The following LRTM1 variants were observed in gnomAD, a reference collection of about 807,000 sequenced individuals.
LRTM1 encodes leucine rich repeat transmembrane protein 1, also known as leucine-rich repeat and transmembrane domain-containing protein 1.
In LRTM1, 38 loss-of-function variants were observed where a neutral mutation model predicts 32.4. The ratio of observed to expected loss-of-function variants is 1.17; its 90% confidence interval spans 0.91 to 1.54. LRTM1 has a LOEUF of 1.54. Ranked by LOEUF, LRTM1 falls within the 40% of genes most tolerant of loss-of-function variation. The pLI, the probability that LRTM1 is intolerant of heterozygous loss-of-function variation, is 0.00. For synonymous variants in LRTM1, 186 were observed against 169.9 expected (o/e 1.09, Z -0.74); for missense variants, 466 against 415.4 (o/e 1.12, Z -1.06).
rs755301327 is a variant in LRTM1 at position 54,924,822 on chromosome 3, ATGT to A, written c.398_400del (p.Asn133del). 4 of 1,614,070 alleles carry A rather than the reference ATGT, an allele frequency of 2.5e-6. No individual in the cohort carries two copies. The highest frequency in any genetic ancestry group is 1.6e-4 in the Middle Eastern group (1 of 6,062). Reference sequence around the variant, plus strand: ...TCCCAAGGATGTGGGAAGGTGGCTTATGTTGTTTGATGACAAATCAAGCTCCCT... The same window carrying A: ...TCCCAAGGATGTGGGAAGGTGGCTTATGTTTGATGACAAATCAAGCTCCCT... On this transcript the variant is annotated inframe_deletion, in exon 2 of 3. Coordinates refer to ENST00000273286, the MANE Select transcript of LRTM1 (RefSeq NM_020678.4).
Position 54,934,867 on chromosome 3 carries a change from G to A in LRTM1, c.-221-9652C>T, listed in dbSNP as rs576239616. On this transcript the variant is annotated intron_variant, in intron 1 of 2. Coordinates refer to the LRTM1 transcript ENST00000493075. The stretch of plus-strand genomic sequence containing the variant: ...ATGCCTCAGCCTCCCGAGTAGCTGG[G>A]ATTACAGGCACACACCACCACACCC... Among the ~76,000 whole-genome samples the A allele has an allele frequency of 2.0e-5, 3 of 152,108 alleles. No homozygotes were observed. The South Asian group carries it at 6.2e-4, about 32-fold the overall frequency.
chr3:54,966,044 A>G (rs56757086), intron 1 of LRTM1, among the ~76,000 whole-genome samples: 60,381 of 151,914 alleles, frequency 0.4, 13,724 homozygotes, highest in East Asian at 0.57. Flanking sequence ...ATGAGAACAG[A>G]CTGCAAGTAT....
intron 1 of LRTM1, among the ~76,000 whole-genome samples, chr3:54,965,340 A>G (rs1013764730): frequency 1.3e-5 from 2 of 152,090 alleles, no homozygotes; most frequent in Non-Finnish European, 2.9e-5. Flanking sequence ...CAAGCCTCCA[A>G]ACAAATGATG....
chr3:54,920,563 G>A (rs143860119), intron 2 of LRTM1, among the ~76,000 whole-genome samples: 7 of 152,208 alleles, frequency 4.6e-5, no homozygotes, highest in African/African-American at 1.7e-4. Flanking sequence ...TGCTCCAGAT[G>A]AGTTCAAAGT....
At chr3:54,958,237 C>T (rs762155333) in intron 1 of LRTM1, among the ~76,000 whole-genome samples, 1 of 152,178 alleles carries the variant, frequency 6.6e-6, no homozygotes, top group Non-Finnish European at 1.5e-5. Context: ...GCAGAATATT[C>T]CATGTATCGG....
At chr3:54,956,327 G>A (rs1296679779) in intron 1 of LRTM1, among the ~76,000 whole-genome samples, 1 of 152,134 alleles carries the variant, frequency 6.6e-6, no homozygotes. Flanking sequence ...CAATGAATTG[G>A]AGATTCCGGG....
At chr3:54,919,955 T>C (rs1011624032) in intron 2 of LRTM1, among the ~76,000 whole-genome samples, 6 of 152,020 alleles carry the variant, frequency 3.9e-5, no homozygotes, top group African/African-American at 1.5e-4. Flanking sequence ...GTCAGAGGAG[T>C]GGGCAGGATG....
intron 2 of LRTM1, among the ~76,000 whole-genome samples, chr3:54,921,230 G>T (rs1700839999): frequency 6.6e-6 from 1 of 152,116 alleles, no homozygotes; most frequent in Non-Finnish European, 1.5e-5. Flanking sequence ...TCTTGAGTCT[G>T]AACATTACGT....
At chr3:54,962,860 G>A (rs1233751002) in intron 1 of LRTM1, among the ~76,000 whole-genome samples, 1 of 152,160 alleles carries the variant, frequency 6.6e-6, no homozygotes, top group Admixed American at 6.5e-5. Context: ...AACCAGATCT[G>A]TGCCCCTCTA....
chr3:54,930,529 G>A (rs1296569792), upstream of LRTM1, among the ~76,000 whole-genome samples: 2 of 152,200 alleles, frequency 1.3e-5, no homozygotes, highest in Admixed American at 6.5e-5. Flanking sequence ...GCCTGAAAAT[G>A]ATCAATCTAT....
At chr3:54,952,681 G>A (rs1701788822) in intron 1 of LRTM1, among the ~76,000 whole-genome samples, 3 of 152,104 alleles carry the variant, frequency 2.0e-5, no homozygotes, top group Admixed American at 2.0e-4. Context: ...GTGTTCATGG[G>A]TTCAAATTCT....
chr3:54,920,367 A>G (rs1700807047), intron 2 of LRTM1, among the ~76,000 whole-genome samples: 1 of 152,050 alleles, frequency 6.6e-6, no homozygotes. Context: ...GCAAAATTCA[A>G]CCCATGTCCT....
chr3:54,951,643 T>C (rs1205913946), intron 1 of LRTM1, among the ~76,000 whole-genome samples: 1 of 151,140 alleles, frequency 6.6e-6, no homozygotes, highest in African/African-American at 2.5e-5. Flanking sequence ...CGTGCAGGGC[T>C]CCAGTCCCAG....
intron 2 of LRTM1, among the ~76,000 whole-genome samples, chr3:54,920,578 T>C (rs1478828303): frequency 6.6e-6 from 1 of 152,166 alleles, no homozygotes; most frequent in Non-Finnish European, 1.5e-5. Flanking sequence ...CAAAGTGCCA[T>C]TGAGATTAAG....
At chr3:54,958,257 G>A (rs535869607) in intron 1 of LRTM1, among the ~76,000 whole-genome samples, 1 of 152,360 alleles carries the variant, frequency 6.6e-6, no homozygotes, top group East Asian at 1.9e-4. Context: ...GATGGGTGTG[G>A]TGGCTTCAGC....
intron 1 of LRTM1, among the ~76,000 whole-genome samples, chr3:54,956,335 G>A (rs930388393): frequency 6.6e-6 from 1 of 152,182 alleles, no homozygotes; most frequent in Admixed American, 6.5e-5. Context: ...TGGAGATTCC[G>A]GGAAAAGAAA....
At chr3:54,943,365 T>C (rs1701526410) in intron 1 of LRTM1, among the ~76,000 whole-genome samples, 1 of 152,202 alleles carries the variant, frequency 6.6e-6, no homozygotes, top group African/African-American at 2.4e-5. Context: ...TGCCGTTTTT[T>C]AGTTAATTTT....
intron 1 of LRTM1, among the ~76,000 whole-genome samples, chr3:54,965,243 C>T (rs1702122466): frequency 6.6e-6 from 1 of 151,616 alleles, no homozygotes; most frequent in Admixed American, 6.6e-5. Flanking sequence ...CTCTGGCCTA[C>T]GTACTCTTGA....
chr3:54,937,541 G>T (rs1701360957), intron 1 of LRTM1, among the ~76,000 whole-genome samples: 1 of 152,160 alleles, frequency 6.6e-6, no homozygotes, highest in Non-Finnish European at 1.5e-5. Flanking sequence ...TCAAACTCGT[G>T]TTGTGCAAGG....
Sources: allele counts gnomAD v4.1 joint callset (sites outside exome capture counted in the v4.1 genomes callset), GRCh38; gene constraint gnomAD v4.1.1; transcripts MANE v1.5; gene names NCBI Gene and HGNC (gene_info 2026-07-23, HGNC 2026-07-21).